Variants in STPG2 observed in about 807,000 individuals in gnomAD.
STPG2 encodes the protein sperm tail PG-rich repeat containing 2.
In STPG2, 56 loss-of-function variants were observed where a neutral mutation model predicts 54.2. The ratio of observed to expected loss-of-function variants is 1.03; its 90% CI spans 0.83 to 1.29. STPG2 has a LOEUF of 1.29. Among genes scored for constraint, STPG2 ranks in the 50% most tolerant of loss-of-function variants. The pLI, the probability that STPG2 is intolerant of heterozygous loss-of-function variation, is 0.00. For synonymous variants in STPG2, 200 were observed against 181.8 expected (o/e 1.10, Z -0.81); for missense variants, 596 against 544.9 (o/e 1.09, Z -0.93).
At chr4:97,797,147 A>T (rs1727216286) in intron 9 of STPG2, among the ~76,000 whole-genome samples, 1 of 152,140 alleles carries the variant, frequency 6.6e-6, no homozygotes, top group African/African-American at 2.4e-5. Flanking sequence ...AGACAATTTG[A>T]TTTCCTCTTT....
intron 4 of STPG2, among the ~76,000 whole-genome samples, chr4:97,448,416 G>A (rs1729281583): frequency 6.6e-6 from 1 of 152,094 alleles, no homozygotes; most frequent in Non-Finnish European, 1.5e-5. Context: ...ATCTCAAATT[G>A]TAATCCCCAC....
At chr4:97,493,045 A>G (rs112683767) in intron 4 of STPG2, among the ~76,000 whole-genome samples, 2,423 of 150,580 alleles carry the variant, frequency 0.016, 63 homozygotes, top group African/African-American at 0.056. Flanking sequence ...AGGCCTGAAA[A>G]CATCCGTTTT....
At chr4:97,938,947 GTACTATGAATTTT>G (rs1218132450) in intron 8 of STPG2, among the ~76,000 whole-genome samples, 1 of 151,944 alleles carries the variant, frequency 6.6e-6, no homozygotes, top group Non-Finnish European at 1.5e-5. Context: ...TGGAAATTCA[GTACTATGAATTTT>G]CCTCTTAACA....
At chr4:97,903,773 A>G (rs994364572) in intron 8 of STPG2, among the ~76,000 whole-genome samples, 2 of 152,198 alleles carry the variant, frequency 1.3e-5, no homozygotes, top group Non-Finnish European at 2.9e-5. Flanking sequence ...AGGGCGAGAC[A>G]TTGCCTCACT....
chr4:98,036,802 TTAAAA>T (rs1245374400), intron 5 of STPG2, among the ~76,000 whole-genome samples: 5 of 151,902 alleles, frequency 3.3e-5, no homozygotes, highest in African/African-American at 1.2e-4. Flanking sequence ...ATCACTGAAC[TTAAAA>T]TAAAAGTTAA....
chr4:97,459,136 CAAT>C (rs897325853), intron 4 of STPG2, among the ~76,000 whole-genome samples: 3 of 151,552 alleles, frequency 2.0e-5, no homozygotes, highest in Non-Finnish European at 2.9e-5. Flanking sequence ...ATATATTCTC[CAAT>C]AATAATAATA....
intron 10 of STPG2, among the ~76,000 whole-genome samples, chr4:97,603,843 T>C (rs1015134218): frequency 6.6e-5 from 10 of 151,628 alleles, no homozygotes; most frequent in African/African-American, 2.2e-4. Context: ...AAGGGAGAGA[T>C]GGTGAGTTGC....
At chr4:97,508,704 AAGT>A (rs1372650330) in intron 4 of STPG2, among the ~76,000 whole-genome samples, 4 of 152,096 alleles carry the variant, frequency 2.6e-5, no homozygotes, top group Admixed American at 6.6e-5. Context: ...TTATCAAAAT[AAGT>A]AGAATTTGTT....
At chr4:97,849,534 T>C (rs1373976683) in intron 8 of STPG2, among the ~76,000 whole-genome samples, 1 of 151,964 alleles carries the variant, frequency 6.6e-6, no homozygotes, top group Non-Finnish European at 1.5e-5. Flanking sequence ...GACAAAGGGC[T>C]AATATCCAGA....
intron 5 of STPG2, among the ~76,000 whole-genome samples, chr4:98,056,930 A>G (rs919251159): frequency 2.5e-4 from 32 of 126,376 alleles, no homozygotes; most frequent in African/African-American, 9.8e-4. Context: ...AAGTTTCCGG[A>G]GGCCCCCCCA....
intron 5 of STPG2, among the ~76,000 whole-genome samples, chr4:98,102,108 T>C (rs1344110152): frequency 6.6e-6 from 1 of 152,212 alleles, no homozygotes; most frequent in Admixed American, 6.5e-5. Context: ...ATTTGTCACA[T>C]TCCTTATGAT....
intron 2 of STPG2, among the ~76,000 whole-genome samples, chr4:98,133,244 C>T (rs1740048290): frequency 6.6e-6 from 1 of 151,990 alleles, no homozygotes; most frequent in Admixed American, 6.6e-5. Context: ...GGTGAAATTA[C>T]ATCATAAAGA....
At chr4:98,046,090 A>G (rs966126449) in intron 5 of STPG2, among the ~76,000 whole-genome samples, 3 of 56,982 alleles carry the variant, frequency 5.3e-5, no homozygotes, top group African/African-American at 1.6e-4. Flanking sequence ...AAAATTTCCA[A>G]TGACCTGTCT....
At chr4:97,489,945 G>A (rs1431089152) in intron 4 of STPG2, 1 of 150,908 alleles carries the variant, frequency 6.6e-6, no homozygotes, top group Non-Finnish European at 1.5e-5. Flanking sequence ...TTTTTTCTGG[G>A]GGAAATAAAG....
In STPG2 at chr4:97,661,707, A is replaced by T. The variant is rs544408250; in HGVS notation, c.1320+50992T>A. ...TTAAGTGAAAAGAAAAGTCATATTA[A>T]TAGGGGAGAAAAGGCCATGGATACA... On this transcript the variant is annotated intron_variant, in intron 10 of 10. Transcript: ENST00000295268. Among the ~76,000 whole-genome samples, 219 of 152,062 alleles carry T rather than the reference A, an allele frequency of 1.4e-3. 1 individual carries two copies. Among genetic ancestry groups the T allele is most frequent in the African/African-American group, 5.1e-3 (212 of 41,480 alleles).
intron 10 of STPG2, among the ~76,000 whole-genome samples, chr4:97,591,171 T>C (rs1351926386): frequency 1.3e-5 from 2 of 152,150 alleles, no homozygotes; most frequent in East Asian, 1.9e-4. Flanking sequence ...CAAATAACTG[T>C]ATGATGATAA....
chr4:98,066,782 A>G (rs1737850505), intron 5 of STPG2, among the ~76,000 whole-genome samples: 1 of 152,184 alleles, frequency 6.6e-6, no homozygotes, highest in South Asian at 2.1e-4. Flanking sequence ...CACTTTCACT[A>G]TTAAGAGTAC....
intron 5 of STPG2, among the ~76,000 whole-genome samples, chr4:98,030,960 A>C (rs1736577086): frequency 2.6e-5 from 4 of 152,194 alleles, no homozygotes. Context: ...AAGCAAGACT[A>C]AGCAAAAAGA....
intron 3 of STPG2, among the ~76,000 whole-genome samples, chr4:98,117,643 T>A (rs1421776679): frequency 1.3e-5 from 2 of 152,084 alleles, no homozygotes; most frequent in African/African-American, 4.8e-5. Flanking sequence ...TCAGACTGCA[T>A]AATATCAATT....
Sources: gnomAD v4.1 joint callset for allele counts (sites outside exome capture counted in the v4.1 genomes callset) on GRCh38, gnomAD v4.1.1 for gene constraint, MANE v1.5 for transcripts, NCBI Gene and HGNC (gene_info 2026-07-23, HGNC 2026-07-21) for gene names.